NDRG3: variants seen among roughly 807,000 people sequenced by gnomAD.
NDRG3 encodes the protein NDRG family member 3.
In NDRG3, 23 loss-of-function variants were observed where a neutral mutation model predicts 57.2. The ratio of observed to expected loss-of-function variants is 0.40; its 90% CI spans 0.29 to 0.57. The LOEUF is 0.57. Among genes scored for constraint, NDRG3 ranks in the 20% least tolerant of loss-of-function variants. The probability of loss-of-function intolerance (pLI) is 0.42; values close to 1 mark genes in which losing one functional copy is unlikely to be tolerated. For missense variants in NDRG3, 384 were observed against 457.3 expected, an observed-to-expected ratio of 0.84 and a Z score of 1.46; for synonymous variants, 132 against 162.6, an observed-to-expected ratio of 0.81 and a Z score of 1.43.
Position 36,665,266 on chromosome 20 carries a change from C to T in NDRG3, c.728G>A (p.Gly243Asp), listed in dbSNP as rs1979525750. The change falls in exon 11 of 16, where the codon GGC becomes GAC. Residue 243 changes from glycine to aspartate, a missense_variant. Gly to Asp is a moderately conservative substitution (Grantham distance 94). Transcript: ENST00000349004. Reference protein sequence around the residue: ...RDLEIERPILGQNDNKSKTLK... With the variant: ...RDLEIERPILDQNDNKSKTLK... ...TGTTTTTGATTTGTTATCATTTTGG[C>T]CCAGTATGGGTCTTTCGATCTCCAG... The T allele has an allele frequency of 1.2e-6, 2 of 1,614,006 alleles. No homozygotes were observed. Among genetic ancestry groups the T allele is most frequent in the South Asian group, 1.1e-5 (1 of 91,088 alleles).
intron 3 of NDRG3, among the ~76,000 whole-genome samples, chr20:36,698,880 C>A (rs1600920079): frequency 6.6e-6 from 1 of 151,672 alleles, no homozygotes; most frequent in East Asian, 1.9e-4. Flanking sequence ...CCACTTATGC[C>A]AATATTTTAA....
At chr20:36,743,963 C>T (rs986048731) in intron 1 of NDRG3, among the ~76,000 whole-genome samples, 33 of 127,860 alleles carry the variant, frequency 2.6e-4, no homozygotes, top group Non-Finnish European at 4.0e-4. Flanking sequence ...TGCAGTGGCG[C>T]GATCTCGGCT....
chr20:36,660,205 C>CTCA, intron 13 of NDRG3, 132 bp downstream of exon 13: 1 of 698,274 alleles, frequency 1.4e-6, no homozygotes, highest in South Asian at 1.9e-5. Flanking sequence ...GGGACTCTGT[C>CTCA]TCAAAGAAAA....
chr20:36,687,428 A>C, intron 5 of NDRG3, 64 bp downstream of exon 5: 1 of 1,578,640 alleles, frequency 6.3e-7, no homozygotes, highest in South Asian at 1.2e-5. Flanking sequence ...CACTTCTCCC[A>C]CTGGAGCTCA....
intron 12 of NDRG3, among the ~76,000 whole-genome samples, chr20:36,660,943 G>A (rs1447737256): frequency 1.3e-5 from 2 of 152,176 alleles, no homozygotes; most frequent in Non-Finnish European, 2.9e-5. Flanking sequence ...AATCTGTTAC[G>A]TGTCTTTAAA....
At chr20:36,731,496 G>A (rs930502669) in intron 1 of NDRG3, among the ~76,000 whole-genome samples, 11 of 152,088 alleles carry the variant, frequency 7.2e-5, no homozygotes, top group Non-Finnish European at 1.3e-4. Flanking sequence ...CCATGACTAT[G>A]TACATCACTT....
At chr20:36,707,200 G>C (rs1983596854) in intron 2 of NDRG3, among the ~76,000 whole-genome samples, 193 bp from the exon 3 acceptor site, 1 of 152,196 alleles carries the variant, frequency 6.6e-6, no homozygotes, top group Non-Finnish European at 1.5e-5. Context: ...AATCTTCAGA[G>C]GTGAGATTAT....
At chr20:36,739,134 C>CAAAAAAAAA (rs57208101) in intron 1 of NDRG3, among the ~76,000 whole-genome samples, 1 of 87,316 alleles carries the variant, frequency 1.1e-5, no homozygotes, top group Non-Finnish European at 2.0e-5. Flanking sequence ...GACCCCATCT[C>CAAAAAAAAA]AAAAAAAAAA....
At chr20:36,694,892 G>C (rs1161170772) in intron 3 of NDRG3, among the ~76,000 whole-genome samples, 1 of 151,904 alleles carries the variant, frequency 6.6e-6, no homozygotes, top group African/African-American at 2.4e-5. Flanking sequence ...CAAGTAGCTG[G>C]GACCATAGAT....
intron 15 of NDRG3, among the ~76,000 whole-genome samples, chr20:36,655,951 T>G (rs1370349324): frequency 6.6e-6 from 1 of 152,018 alleles, no homozygotes; most frequent in Non-Finnish European, 1.5e-5. Context: ...CTGGCCAACA[T>G]GGTGAATCTC....
intron 3 of NDRG3, among the ~76,000 whole-genome samples, chr20:36,704,303 C>T (rs574785045): frequency 1.3e-5 from 2 of 152,150 alleles, no homozygotes; most frequent in South Asian, 4.2e-4. Context: ...TCTTGAACTC[C>T]TGACCTCGTG....
At chr20:36,744,967 A>AGGGGGGGGGGGGGG (rs34122149) in intron 1 of NDRG3, among the ~76,000 whole-genome samples, 1 of 65,346 alleles carries the variant, frequency 1.5e-5, no homozygotes. Flanking sequence ...GGCCAGGGTA[A>AGGGGGGGGGGGGGG]GGGGGGGGGG....
intron 3 of NDRG3, among the ~76,000 whole-genome samples, chr20:36,690,922 C>T (rs1982217283): frequency 6.6e-6 from 1 of 152,196 alleles, no homozygotes; most frequent in Non-Finnish European, 1.5e-5. Context: ...AGATGCCGCA[C>T]TAAGAGTGGT....
intron 3 of NDRG3, among the ~76,000 whole-genome samples, chr20:36,691,668 G>A (rs751680850): frequency 2.0e-4 from 30 of 152,242 alleles, no homozygotes; most frequent in Middle Eastern, 3.4e-3. Flanking sequence ...AGCCGAAATT[G>A]TGACACCACT....
chr20:36,656,231 T>C (rs1042038973), intron 15 of NDRG3, 129 bp downstream of exon 15: 22 of 768,966 alleles, frequency 2.9e-5, no homozygotes, highest in Non-Finnish European at 6.4e-6. Flanking sequence ...CCATAAACAT[T>C]TCAGTTTCTA....
At chr20:36,666,022 T>G (rs547890561) in intron 10 of NDRG3, among the ~76,000 whole-genome samples, 2 of 152,206 alleles carry the variant, frequency 1.3e-5, no homozygotes, top group South Asian at 2.1e-4. Flanking sequence ...CAACTAAAAA[T>G]AGGGAGGCTC....
intron 8 of NDRG3, among the ~76,000 whole-genome samples, chr20:36,676,101 T>A (rs890142455): frequency 2.6e-5 from 4 of 151,508 alleles, no homozygotes; most frequent in Non-Finnish European, 1.5e-5. Flanking sequence ...TTAGCCGGGC[T>A]TGGTGGCGGG....
At chr20:36,741,727 A>G (rs1237976498) in intron 1 of NDRG3, among the ~76,000 whole-genome samples, 1 of 152,144 alleles carries the variant, frequency 6.6e-6, no homozygotes, top group Non-Finnish European at 1.5e-5. Flanking sequence ...CCTTCTAATC[A>G]AGTGGTTCTC....
intron 12 of NDRG3, among the ~76,000 whole-genome samples, chr20:36,661,943 C>T (rs1399876793): frequency 1.3e-5 from 2 of 152,130 alleles, no homozygotes; most frequent in Non-Finnish European, 2.9e-5. Flanking sequence ...TTTTGATTTG[C>T]TCTATACAAA....
Sources: allele counts gnomAD v4.1 joint callset (sites outside exome capture counted in the v4.1 genomes callset), GRCh38; gene constraint gnomAD v4.1.1; transcripts MANE v1.5; gene names NCBI Gene and HGNC (gene_info 2026-07-23, HGNC 2026-07-21).